RERG: variants seen among roughly 807,000 people sequenced by gnomAD.
RERG encodes RAS like estrogen regulated growth inhibitor.
A neutral mutation model predicts 23.2 loss-of-function variants in RERG; 25 were observed. The observed-to-expected ratio is 1.08, with a 90% CI of 0.79 to 1.50. The LOEUF (loss-of-function observed/expected upper bound fraction) is 1.50. RERG is among the 40% of genes most tolerant of loss of function. RERG has a pLI of 0.00. For missense variants in RERG, 253 were observed against 250.1 expected (o/e 1.01, Z -0.08); for synonymous variants, 81 against 89.1 (o/e 0.91, Z 0.51).
intron 2 of RERG, among the ~76,000 whole-genome samples, chr12:15,126,405 T>A (rs1346732506): frequency 2.0e-5 from 3 of 151,970 alleles, no homozygotes; most frequent in African/African-American, 7.2e-5. Flanking sequence ...CTAACACACA[T>A]ACATAGACAA....
intron 2 of RERG, among the ~76,000 whole-genome samples, chr12:15,144,428 CACTTTAA>C (rs758661950): frequency 6.8e-4 from 104 of 152,154 alleles, no homozygotes; most frequent in Non-Finnish European, 6.5e-4. Flanking sequence ...AACTCTGAGG[CACTTTAA>C]ACAGTTGGGC....
chr12:15,120,795 T>C (rs529711299), intron 3 of RERG, among the ~76,000 whole-genome samples: 12 of 152,324 alleles, frequency 7.9e-5, no homozygotes, highest in Admixed American at 6.5e-4. Flanking sequence ...ATTTTTCTTA[T>C]GTGAGGGAAG....
chr12:15,156,845 G>A (rs1297835751), intron 2 of RERG, among the ~76,000 whole-genome samples: 2 of 152,142 alleles, frequency 1.3e-5, no homozygotes, highest in African/African-American at 4.8e-5. Flanking sequence ...CATTTGACAA[G>A]TTATTTACTT....
At chr12:15,145,928 GT>G (rs1195647051) in intron 2 of RERG, among the ~76,000 whole-genome samples, 17 of 152,184 alleles carry the variant, frequency 1.1e-4, no homozygotes, top group African/African-American at 4.1e-4. Flanking sequence ...CATGCCTACG[GT>G]GGTTGATTGA....
chr12:15,168,162 G>C (rs1324917184), intron 2 of RERG, among the ~76,000 whole-genome samples: 1 of 152,166 alleles, frequency 6.6e-6, no homozygotes, highest in African/African-American at 2.4e-5. Flanking sequence ...TGCATTTCTT[G>C]AGATTTATGT....
intron 2 of RERG, among the ~76,000 whole-genome samples, chr12:15,183,329 A>G (rs1267998626): frequency 6.6e-6 from 1 of 152,152 alleles, no homozygotes; most frequent in East Asian, 1.9e-4. Flanking sequence ...TGTAATCAAG[A>G]AAGCTCCAGA....
chr12:15,150,538 A>G (rs1180702910), intron 2 of RERG, among the ~76,000 whole-genome samples: 1 of 152,204 alleles, frequency 6.6e-6, no homozygotes, highest in Non-Finnish European at 1.5e-5. Context: ...ATATCATCGT[A>G]ATATGTTAAC....
chr12:15,120,461 T>C (rs1441639611), intron 3 of RERG, among the ~76,000 whole-genome samples: 1 of 147,542 alleles, frequency 6.8e-6, no homozygotes, highest in Non-Finnish European at 1.5e-5. Flanking sequence ...ACTGAAAATC[T>C]TGGAGTGACA....
intron 2 of RERG, among the ~76,000 whole-genome samples, chr12:15,145,218 G>A (rs1864311391): frequency 1.3e-5 from 2 of 152,186 alleles, no homozygotes; most frequent in Admixed American, 1.3e-4. Context: ...TTCTGGACTA[G>A]GAAGAGAGGA....
chr12:15,178,114 T>A (rs912399678), intron 2 of RERG, among the ~76,000 whole-genome samples: 1 of 152,104 alleles, frequency 6.6e-6, no homozygotes, highest in Non-Finnish European at 1.5e-5. Flanking sequence ...TAGAAAGCCA[T>A]GTGCTATAAT....
intron 2 of RERG, among the ~76,000 whole-genome samples, chr12:15,135,288 T>G (rs1445086808): frequency 6.6e-6 from 1 of 152,226 alleles, no homozygotes; most frequent in African/African-American, 2.4e-5. Flanking sequence ...CCGTAATTGC[T>G]TATCTGATCT....
At position 15,182,091 on chromosome 12, in the gene RERG, T is replaced by C. The variant is rs183678733; in HGVS notation, c.61+35338A>G. On this transcript the variant is annotated intron_variant, in intron 2 of 4. Transcript: ENST00000256953. Reference sequence around the variant, plus strand: ...TTTTTTTTTTGAGATGGAGTTTCGCTGTTGTTGCCCAGGCTGGAGTGCAAT... The same window carrying C: ...TTTTTTTTTTGAGATGGAGTTTCGCCGTTGTTGCCCAGGCTGGAGTGCAAT... Among the ~76,000 whole-genome samples, 165 of 148,456 alleles carry C rather than the reference T, an allele frequency of 1.1e-3. 1 individual carries two copies. The highest frequency in any genetic ancestry group is 5.4e-3 in the Admixed American group (79 of 14,718).
chr12:15,175,333 CTGTGTGTGTGTGTGTGTGTG>C (rs532399275), intron 2 of RERG, among the ~76,000 whole-genome samples: 164 of 112,250 alleles, frequency 1.5e-3, no homozygotes, highest in Non-Finnish European at 1.7e-3. Flanking sequence ...CTCTCAGGCT[CTGTGTGTGTGTGTGTGTGTG>C]TGTGTGTGTG....
chr12:15,202,432 T>C (rs1865230097), intron 2 of RERG, among the ~76,000 whole-genome samples: 1 of 151,808 alleles, frequency 6.6e-6, no homozygotes, highest in Non-Finnish European at 1.5e-5. Context: ...TTTATGCACA[T>C]TGAATAACAA....
In RERG at chr12:15,151,432, G is replaced by A. The variant is rs185430882; in HGVS notation, c.62-30313C>T. Among the ~76,000 whole-genome samples the A allele has an allele frequency of 2.3e-3, 349 of 152,254 alleles. 2 individuals are homozygous for A. The highest frequency in any genetic ancestry group is 8.1e-3 in the African/African-American group (338 of 41,552). ...ATTGCACCCATATTAGCAATTTAAT[G>A]ACTTTGAAAGTAATAAGTGGTAGAA... On this transcript the variant is annotated intron_variant, in intron 2 of 4. Transcript: ENST00000256953.
At position 15,111,350 on chromosome 12, in the gene RERG, A is replaced by G. The variant is rs774878020; in HGVS notation, c.186T>C (p.Ala62=). Residue 62 remains alanine, a synonymous_variant, in exon 4 of 5, where the codon GCT becomes GCC. Coordinates refer to ENST00000256953, the MANE Select transcript of RERG (RefSeq NM_032918.3). Reference sequence around the variant, plus strand: ...AGCTGAACTCTTTATTCACCTGACCAGCAGTGTCTAGTATCTCCATGGAAA... The same window carrying G: ...AGCTGAACTCTTTATTCACCTGACCGGCAGTGTCTAGTATCTCCATGGAAA... ...EVVSMEILDT[A]GQEDTIQREG... 6.2e-7 allele frequency: 1 copy of G among 1,609,450 alleles called. No homozygotes were observed. Among genetic ancestry groups the G allele is most frequent in the Non-Finnish European group, 8.5e-7 (1 of 1,176,308 alleles).
intron 2 of RERG, among the ~76,000 whole-genome samples, chr12:15,161,815 G>A (rs545267509): frequency 1.5e-4 from 23 of 152,230 alleles, no homozygotes; most frequent in African/African-American, 4.8e-4. Flanking sequence ...TTTACCATGT[G>A]CCAAGCACTG....
At chr12:15,188,416 C>G (rs1865023183) in intron 2 of RERG, among the ~76,000 whole-genome samples, 1 of 152,066 alleles carries the variant, frequency 6.6e-6, no homozygotes, top group African/African-American at 2.4e-5. Flanking sequence ...ACAAAGCTTT[C>G]TAATCTATTA....
intron 2 of RERG, among the ~76,000 whole-genome samples, chr12:15,183,675 C>A (rs193084658): frequency 1.8e-4 from 28 of 152,178 alleles, no homozygotes; most frequent in Admixed American, 5.9e-4. Flanking sequence ...AGGATATTTT[C>A]TTTAAATAAA....
Sources: gnomAD v4.1 joint callset for allele counts (sites outside exome capture counted in the v4.1 genomes callset) on GRCh38, gnomAD v4.1.1 for gene constraint, MANE v1.5 for transcripts, NCBI Gene and HGNC (gene_info 2026-07-23, HGNC 2026-07-21) for gene names.